The following SHB variants were observed in gnomAD, a reference collection of about 807,000 sequenced individuals.
The protein encoded by SHB is SH2 domain containing adaptor protein B.
SHB carries 20 observed loss-of-function variants against 52.3 expected under a neutral mutation model. That is an observed-to-expected ratio of 0.38 (90% confidence interval 0.27 to 0.56). The LOEUF (loss-of-function observed/expected upper bound fraction) is 0.56, where lower values mean the gene tolerates loss of function less well. SHB is among the 20% of genes least tolerant of loss of function. The probability of loss-of-function intolerance (pLI) is 0.71; values close to 1 mark genes in which losing one functional copy is unlikely to be tolerated. For missense variants in SHB, 825 were observed against 723.3 expected (o/e 1.14, Z -1.61); for synonymous variants, 397 against 316.5 (o/e 1.25, Z -2.70).
chr9:38,001,533 T>C (rs1358343544), intron 2 of SHB, among the ~76,000 whole-genome samples: 2 of 152,232 alleles, frequency 1.3e-5, no homozygotes, highest in Non-Finnish European at 2.9e-5. Context: ...CAGACAAGGA[T>C]GGCTTCTCCA....
intron 1 of SHB, among the ~76,000 whole-genome samples, chr9:38,049,192 T>C (rs891020247): frequency 6.6e-6 from 1 of 152,222 alleles, no homozygotes; most frequent in African/African-American, 2.4e-5. Flanking sequence ...GGCTAATTTT[T>C]AAATTTATTT....
At chr9:37,924,603 C>T (rs890557950) in intron 5 of SHB, among the ~76,000 whole-genome samples, 4 of 152,058 alleles carry the variant, frequency 2.6e-5, no homozygotes, top group Non-Finnish European at 5.9e-5. Flanking sequence ...GCTGTCCTGA[C>T]CCAGATGTCC....
At chr9:37,990,991 G>A (rs780860514) in intron 2 of SHB, among the ~76,000 whole-genome samples, 6 of 152,172 alleles carry the variant, frequency 3.9e-5, no homozygotes, top group South Asian at 4.1e-4. Flanking sequence ...TCCTTGTCTC[G>A]GGAGGGAGAT....
chr9:38,012,500 T>C (rs1821152526), intron 2 of SHB, among the ~76,000 whole-genome samples: 1 of 152,130 alleles, frequency 6.6e-6, no homozygotes, highest in African/African-American at 2.4e-5. Flanking sequence ...TCCCCGTTGT[T>C]GTTATCACCG....
At chr9:38,010,310 T>G (rs183715301) in intron 2 of SHB, among the ~76,000 whole-genome samples, 2 of 152,318 alleles carry the variant, frequency 1.3e-5, no homozygotes, top group East Asian at 3.9e-4. Flanking sequence ...CTGTCATCCA[T>G]GCCACCATAA....
chr9:37,956,850 A>C (rs1487053609), intron 3 of SHB, among the ~76,000 whole-genome samples: 1 of 152,194 alleles, frequency 6.6e-6, no homozygotes, highest in Non-Finnish European at 1.5e-5. Context: ...GACAGCACCC[A>C]TCTCATGGGG....
At chr9:38,055,258 C>T (rs1209584201) in intron 1 of SHB, among the ~76,000 whole-genome samples, 2 of 152,164 alleles carry the variant, frequency 1.3e-5, no homozygotes, top group South Asian at 2.1e-4. Context: ...GAACACTCCA[C>T]GACTTAATCT....
intron 2 of SHB, among the ~76,000 whole-genome samples, chr9:38,000,438 T>C (rs569440251): frequency 1.3e-5 from 2 of 152,352 alleles, no homozygotes; most frequent in African/African-American, 4.8e-5. Context: ...TGGTACCAAC[T>C]GACCCTGGAA....
intron 2 of SHB, 142 bp downstream of exon 2, chr9:38,015,869 T>C (rs1024917061): frequency 5.0e-6 from 4 of 792,134 alleles, no homozygotes; most frequent in Non-Finnish European, 6.2e-6. Flanking sequence ...GAAGACTTAA[T>C]ACAGCATTGC....
intron 2 of SHB, among the ~76,000 whole-genome samples, chr9:38,000,398 G>A (rs371812974): frequency 2.0e-5 from 3 of 152,200 alleles, no homozygotes; most frequent in Admixed American, 6.5e-5. Context: ...CACTGCCCAC[G>A]ACCTTGCCCT....
chr9:37,921,225 C>T (rs1305609314), intron 5 of SHB, among the ~76,000 whole-genome samples: 1 of 152,188 alleles, frequency 6.6e-6, no homozygotes, highest in Non-Finnish European at 1.5e-5. Flanking sequence ...AAATCACCTG[C>T]CCCCATCTCC....
chr9:37,927,998 G>T (rs1484794949), intron 5 of SHB, among the ~76,000 whole-genome samples: 1 of 150,630 alleles, frequency 6.6e-6, no homozygotes, highest in African/African-American at 2.5e-5. Context: ...GGAACATGAA[G>T]GCCTGTGTGT....
At chr9:38,016,281 C>T in intron 1 of SHB, 150 bp from the exon 2 acceptor site, 1 of 722,836 alleles carries the variant, frequency 1.4e-6, no homozygotes, top group Non-Finnish European at 2.3e-6. Flanking sequence ...GGGAGCTCCA[C>T]ATCTCACAGG....
chr9:37,978,476 T>C (rs1043093296), intron 2 of SHB, among the ~76,000 whole-genome samples: 1 of 152,210 alleles, frequency 6.6e-6, no homozygotes, highest in African/African-American at 2.4e-5. Context: ...AAGCAGCCAT[T>C]AAAATGATCA....
intron 1 of SHB, among the ~76,000 whole-genome samples, chr9:38,057,055 G>T (rs1821830594): frequency 6.6e-6 from 1 of 152,182 alleles, no homozygotes; most frequent in Non-Finnish European, 1.5e-5. Flanking sequence ...ACTTTTTACT[G>T]TCTTATCCAA....
At chr9:37,974,113 G>A (rs992571036) in intron 3 of SHB, among the ~76,000 whole-genome samples, 1 of 152,140 alleles carries the variant, frequency 6.6e-6, no homozygotes, top group Admixed American at 6.5e-5. Context: ...AAAATTAGCT[G>A]GGCATTGTGG....
intron 2 of SHB, among the ~76,000 whole-genome samples, chr9:38,007,385 C>G (rs1821086552): frequency 6.6e-6 from 1 of 152,242 alleles, no homozygotes. Context: ...ACGGAGCTCT[C>G]GGCCCAGAGA....
intron 3 of SHB, among the ~76,000 whole-genome samples, chr9:37,960,569 A>G (rs961968906): frequency 1.3e-5 from 2 of 152,166 alleles, no homozygotes; most frequent in Admixed American, 6.5e-5. Context: ...GATGGAAGAG[A>G]GAGGCTGGTC....
At chr9:37,983,979 T>A (rs1408067705) in intron 2 of SHB, among the ~76,000 whole-genome samples, 1 of 152,236 alleles carries the variant, frequency 6.6e-6, no homozygotes, top group Non-Finnish European at 1.5e-5. Flanking sequence ...GAGTGCTTAG[T>A]CTGAATCCTG....
Sources: allele counts gnomAD v4.1 joint callset (sites outside exome capture counted in the v4.1 genomes callset), GRCh38; gene constraint gnomAD v4.1.1; transcripts MANE v1.5; gene names NCBI Gene and HGNC (gene_info 2026-07-23, HGNC 2026-07-21).